Variants in PRDM6 observed in about 807,000 individuals in gnomAD.
The protein encoded by PRDM6 is putative histone-lysine N-methyltransferase PRDM6.
PRDM6 carries 25 observed loss-of-function variants against 60.8 expected under a neutral mutation model. That is an observed-to-expected ratio of 0.41 (90% CI 0.30 to 0.57). The LOEUF (loss-of-function observed/expected upper bound fraction) is 0.57, where lower values mean the gene tolerates loss of function less well. Among genes scored for constraint, PRDM6 ranks in the 20% least tolerant of loss-of-function variants. The probability of loss-of-function intolerance (pLI) is 0.27; values close to 1 mark genes in which losing one functional copy is unlikely to be tolerated. For missense variants in PRDM6, 839 were observed against 821.3 expected (o/e 1.02, Z -0.26); for synonymous variants, 407 against 357.4 (o/e 1.14, Z -1.57).
intron 4 of PRDM6, among the ~76,000 whole-genome samples, chr5:123,158,660 G>T (rs187677761): frequency 1.1e-4 from 16 of 152,146 alleles, no homozygotes; most frequent in Non-Finnish European, 1.2e-4. Flanking sequence ...TTCGCCTTAT[G>T]TCTGCAGTGT....
chr5:123,147,789 C>T (rs1765279838), intron 3 of PRDM6, among the ~76,000 whole-genome samples: 1 of 152,218 alleles, frequency 6.6e-6, no homozygotes, highest in Non-Finnish European at 1.5e-5. Flanking sequence ...CCTGATTCCC[C>T]AAAGTCTTCC....
At chr5:123,158,886 G>C (rs555166769) in intron 4 of PRDM6, among the ~76,000 whole-genome samples, 1 of 151,798 alleles carries the variant, frequency 6.6e-6, no homozygotes, top group East Asian at 1.9e-4. Context: ...TCATTTTTCA[G>C]TACCTTCACT....
intron 6 of PRDM6, among the ~76,000 whole-genome samples, chr5:123,175,082 A>G (rs572236289): frequency 6.6e-6 from 1 of 152,230 alleles, no homozygotes; most frequent in East Asian, 1.9e-4. Flanking sequence ...CTCAAACCAA[A>G]AGTGCTTTTG....
Position 123,189,975 on chromosome 5 carries a change from G to C in PRDM6, c.*2774G>C, listed in dbSNP as rs975600672. Reference sequence around the variant, plus strand: ...TTAAAGTGGACACACAGTCCCCTGGGATACAGCAAATGGGTGGTAGAAATT... The same window carrying C: ...TTAAAGTGGACACACAGTCCCCTGGCATACAGCAAATGGGTGGTAGAAATT... On this transcript the variant is annotated 3_prime_UTR_variant, in exon 8 of 8. Transcript: ENST00000407847. 4 of 152,212 alleles carry C rather than the reference G, an allele frequency of 2.6e-5. No individual in the cohort carries two copies. The highest frequency in any genetic ancestry group is 5.9e-5 in the Non-Finnish European group (4 of 68,042). 9.4% of individuals were successfully genotyped at this position (152,212 alleles called of 1,614,324 possible).
Position 123,191,668 on chromosome 5 carries a change from A to G in PRDM6, c.*4467A>G, listed in dbSNP as rs1250246678. On this transcript the variant is annotated 3_prime_UTR_variant, in exon 8 of 8. Transcript: ENST00000407847. ...AGAGCTTTGGAAAATTTTATGCGCT[A>G]ACTAGATACCTGGGTGATCATCAAC... 6.6e-6 allele frequency: 1 copy of G among 152,164 alleles called. No homozygotes were observed. The highest frequency in any genetic ancestry group is 1.5e-5 in the Non-Finnish European group (1 of 68,028). 9.4% of individuals were successfully genotyped at this position (152,164 alleles called of 1,614,324 possible).
At chr5:123,106,043 T>C (rs1019507909) in intron 3 of PRDM6, among the ~76,000 whole-genome samples, 4 of 152,242 alleles carry the variant, frequency 2.6e-5, no homozygotes, top group African/African-American at 9.6e-5. Context: ...GTACTCTTCT[T>C]GGAGCCTGGT....
chr5:123,096,286 T>A (rs1195175919), intron 2 of PRDM6, among the ~76,000 whole-genome samples: 2 of 151,860 alleles, frequency 1.3e-5, no homozygotes, highest in Non-Finnish European at 2.9e-5. Flanking sequence ...GTATATATAA[T>A]ATAATGACAT....
intron 3 of PRDM6, among the ~76,000 whole-genome samples, chr5:123,122,974 A>G (rs1331292790): frequency 1.3e-5 from 2 of 152,150 alleles, no homozygotes; most frequent in African/African-American, 4.8e-5. Context: ...TGGAATGGAA[A>G]TCCTTATTTG....
chr5:123,137,815 G>T (rs1764999835), intron 3 of PRDM6, among the ~76,000 whole-genome samples: 1 of 152,082 alleles, frequency 6.6e-6, no homozygotes, highest in Admixed American at 6.6e-5. Context: ...AATTTTAGGT[G>T]ATACACAGAA....
At chr5:123,181,762 A>G (rs777024926) in intron 7 of PRDM6, among the ~76,000 whole-genome samples, 15 of 152,298 alleles carry the variant, frequency 9.8e-5, no homozygotes, top group Non-Finnish European at 2.1e-4. Context: ...AGGATTTTCC[A>G]TCCAGACCTG....
rs546984524 is a variant in PRDM6, at chr5:123,090,470, T to C, written c.456T>C (p.Gly152=). 2,996 of 1,483,014 alleles carry C rather than the reference T, an allele frequency of 2.0e-3. 55 individuals are homozygous for C. The African/African-American group carries it at 0.039, about 20-fold the overall frequency. The allele number at this position is 1,483,014 out of a possible 1,614,324, so 91.9% of individuals were successfully genotyped here. The change falls in exon 2 of 8, where the codon GGT becomes GGC. Residue 152 remains glycine, a synonymous_variant. Coordinates refer to ENST00000407847, the MANE Select transcript of PRDM6 (RefSeq NM_001136239.4). Reference sequence around the variant, plus strand: ...GCCCCGGGCCCGTCAAGTGCGGTGGTGGTGGCGGCGGCGGCGGGGAGGGTC... The same window carrying C: ...GCCCCGGGCCCGTCAAGTGCGGTGGCGGTGGCGGCGGCGGCGGGGAGGGTC... The part of the protein sequence containing the change: ...TSGPGPVKCG[G]GGGGGGEGRG...
chr5:123,135,399 A>G (rs1216093187), intron 3 of PRDM6, among the ~76,000 whole-genome samples: 3 of 152,212 alleles, frequency 2.0e-5, no homozygotes, highest in Non-Finnish European at 4.4e-5. Context: ...AAACAAAAAT[A>G]AAACAGAACA....
intron 4 of PRDM6, among the ~76,000 whole-genome samples, chr5:123,157,017 G>A (rs1765516278): frequency 6.6e-6 from 1 of 151,212 alleles, no homozygotes; most frequent in Admixed American, 6.6e-5. Flanking sequence ...AGGGCTCTGT[G>A]CTCAGCAACT....
intron 7 of PRDM6, among the ~76,000 whole-genome samples, chr5:123,185,976 G>A (rs1020630912): frequency 2.6e-5 from 4 of 152,162 alleles, no homozygotes; most frequent in African/African-American, 9.7e-5. Context: ...ATTTAAAAGT[G>A]GGACAATTGT....
Position 123,181,831 on chromosome 5 carries a change from C to A in PRDM6, c.1673+1508C>A, listed in dbSNP as rs144803705. Among the ~76,000 whole-genome samples, 47 of 152,258 alleles carry A rather than the reference C, an allele frequency of 3.1e-4. No homozygotes were observed. The East Asian group carries it at 7.9e-3, about 26-fold the overall frequency. ...CAGGCTCAGCTTGGGAAACAGAGTT[C>A]TCTGGTCTGGGTCCTGCCTTCCTCT... On this transcript the variant is annotated intron_variant, in intron 7 of 7. Transcript: ENST00000407847.
chr5:123,102,484 A>T (rs1278582093), intron 3 of PRDM6, among the ~76,000 whole-genome samples: 1 of 151,940 alleles, frequency 6.6e-6, no homozygotes, highest in African/African-American at 2.4e-5. Context: ...TATTATTCAC[A>T]TTAGAATCAG....
At chr5:123,097,721 A>G (rs1287852100) in intron 2 of PRDM6, among the ~76,000 whole-genome samples, 1 of 152,220 alleles carries the variant, frequency 6.6e-6, no homozygotes, top group Non-Finnish European at 1.5e-5. Context: ...ACTCCCATCC[A>G]GGCCCTGGGG....
intron 3 of PRDM6, among the ~76,000 whole-genome samples, chr5:123,120,392 C>G (rs556762124): frequency 6.6e-6 from 1 of 152,208 alleles, no homozygotes; most frequent in Non-Finnish European, 1.5e-5. Flanking sequence ...GTCCTATCCT[C>G]TGGAGGCAGC....
At chr5:123,111,567 G>C (rs756611277) in intron 3 of PRDM6, among the ~76,000 whole-genome samples, 1 of 152,096 alleles carries the variant, frequency 6.6e-6, no homozygotes, top group Non-Finnish European at 1.5e-5. Flanking sequence ...GTGTGGTGAC[G>C]GGCGCCTGTA....
Sources: allele counts gnomAD v4.1 joint callset (sites outside exome capture counted in the v4.1 genomes callset), GRCh38; gene constraint gnomAD v4.1.1; transcripts MANE v1.5; gene names NCBI Gene and HGNC (gene_info 2026-07-23, HGNC 2026-07-21).